Variants in ZNF680 observed in about 807,000 individuals in gnomAD.
The protein encoded by ZNF680 is zinc finger protein 680.
In ZNF680, 6 loss-of-function variants were observed where a neutral mutation model predicts 12.1. That is an observed-to-expected ratio of 0.49 (90% CI 0.27 to 0.98). The LOEUF is 0.98. Ranked by LOEUF, ZNF680 falls within the 50% of genes least tolerant of loss-of-function variation. The pLI is 0.12. For missense variants in ZNF680, 561 were observed against 616.3 expected, an observed-to-expected ratio of 0.91 and a Z score of 0.95; for synonymous variants, 170 against 199.3, an observed-to-expected ratio of 0.85 and a Z score of 1.24.
intron 1 of ZNF680, among the ~76,000 whole-genome samples, chr7:64,557,502 C>G (rs1562779385): frequency 6.6e-6 from 1 of 151,950 alleles, no homozygotes; most frequent in Non-Finnish European, 1.5e-5. Context: ...TTGCAGTGAG[C>G]CAAGATCGTG....
chr7:64,520,951 G>A lies in ZNF680; in HGVS notation c.*210C>T. The A allele has an allele frequency of 1.9e-6, 1 of 517,718 alleles. No individual in the cohort carries two copies. Among genetic ancestry groups the A allele is most frequent in the Non-Finnish European group, 3.3e-6 (1 of 301,434 alleles). 32.1% of individuals were successfully genotyped at this position (517,718 alleles called of 1,614,324 possible). The stretch of plus-strand genomic sequence containing the variant: ...TGACTTTTTCACATTCTTTATACTT[G>A]TACAATCTTTCTCAAGTAAAAATGC... On this transcript the variant is annotated 3_prime_UTR_variant, in exon 4 of 4. Coordinates refer to ENST00000309683, the MANE Select transcript of ZNF680 (RefSeq NM_178558.5).
At chr7:64,545,084 C>A (rs2116495982) in intron 1 of ZNF680, among the ~76,000 whole-genome samples, 1 of 151,934 alleles carries the variant, frequency 6.6e-6, no homozygotes, top group Admixed American at 6.6e-5. Context: ...CATGGCGAAA[C>A]CCCATCTCTA....
chr7:64,545,615 A>G (rs145967564), intron 1 of ZNF680, among the ~76,000 whole-genome samples: 96 of 152,336 alleles, frequency 6.3e-4, no homozygotes, highest in African/African-American at 2.2e-3. Flanking sequence ...ATTTAACCAT[A>G]AAGAAACATC....
the ZNF680 span, among the ~76,000 whole-genome samples, chr7:64,502,800 C>T: frequency 2.6e-5 from 4 of 152,016 alleles, no homozygotes; most frequent in Admixed American, 2.0e-4. Flanking sequence ...GAATCAAAAC[C>T]GAATAATATA....
chr7:64,532,259 C>T (rs1168902448), intron 3 of ZNF680, among the ~76,000 whole-genome samples: 4 of 150,708 alleles, frequency 2.7e-5, no homozygotes, highest in Non-Finnish European at 3.0e-5. Flanking sequence ...GAGCCGAGAT[C>T]GTACCACTGC....
the ZNF680 span, among the ~76,000 whole-genome samples, chr7:64,510,639 G>A: frequency 2.6e-5 from 4 of 151,562 alleles, no homozygotes; most frequent in South Asian, 4.2e-4. Context: ...GGCCGGGCGC[G>A]GTGGTTCACG....
rs1346050212 is a variant in ZNF680 at position 64,556,999 on chromosome 7, C to T, written c.30+5926G>A. Among the ~76,000 whole-genome samples the T allele has an allele frequency of 3.3e-5, 5 of 152,200 alleles. No individual in the cohort carries two copies. The East Asian group carries it at 5.8e-4, about 18-fold the overall frequency. ...GGTACAGTGGCTCACGCCTGTAATC[C>T]GAGCACTTTGGGAGGCCAAGGCGGG... On this transcript the variant is annotated intron_variant, in intron 1 of 3. Coordinates refer to ENST00000309683, the MANE Select transcript of ZNF680 (RefSeq NM_178558.5).
At chr7:64,562,843 G>A in intron 1 of ZNF680, 82 bp downstream of exon 1, 1 of 1,536,280 alleles carries the variant, frequency 6.5e-7, no homozygotes, top group Non-Finnish European at 9.0e-7. Flanking sequence ...AGTGCTTGGA[G>A]CCTGGAGTCC....
At chr7:64,525,743 A>T in intron 3 of ZNF680, 1 of 915,988 alleles carries the variant, frequency 1.1e-6, no homozygotes, top group South Asian at 5.0e-5. Context: ...AATTATCTTT[A>T]AATAGAAAAG....
chr7:64,548,256 T>C (rs747291186), intron 1 of ZNF680, among the ~76,000 whole-genome samples: 1 of 152,226 alleles, frequency 6.6e-6, no homozygotes, highest in African/African-American at 2.4e-5. Flanking sequence ...TATGTATTAA[T>C]AGGAAAGTAA....
At chr7:64,554,412 G>A (rs957282925) in intron 1 of ZNF680, among the ~76,000 whole-genome samples, 6 of 151,450 alleles carry the variant, frequency 4.0e-5, no homozygotes, top group African/African-American at 1.2e-4. Context: ...TCCAGGAGGT[G>A]GGGGGCAGCC....
chr7:64,558,148 G>C lies in ZNF680; in HGVS notation c.30+4777C>G, dbSNP rs1787524039. Among the ~76,000 whole-genome samples the C allele has an allele frequency of 7.2e-5, 11 of 152,310 alleles. No individual in the cohort carries two copies. The South Asian group carries it at 2.3e-3, about 32-fold the overall frequency. On this transcript the variant is annotated intron_variant, in intron 1 of 3. Coordinates refer to ENST00000309683, the MANE Select transcript of ZNF680 (RefSeq NM_178558.5). ...TGTCCGGGCAGGCAGATGAGATTAT[G>C]AACAGGTGGTACAGAACCGTTGGTT...
chr7:64,536,940 C>T lies in ZNF680; in HGVS notation c.253+6767G>A, dbSNP rs1786199245. Reference sequence around the variant, plus strand: ...AAAAAAATAGCTAGACATGATAGTGCATGTCTGTAGTTTCAGCTACACGGG... The same window carrying T: ...AAAAAAATAGCTAGACATGATAGTGTATGTCTGTAGTTTCAGCTACACGGG... On this transcript the variant is annotated intron_variant, in intron 3 of 3. Coordinates refer to ENST00000309683, the MANE Select transcript of ZNF680 (RefSeq NM_178558.5). 2.0e-5 allele frequency among the ~76,000 whole-genome samples: 3 copies of T among 152,068 alleles called. No homozygotes were observed. In the South Asian group the frequency reaches 6.2e-4, roughly 31 times the overall value.
chr7:64,539,351 CAAAAAAA>C (rs1170166478), intron 3 of ZNF680, among the ~76,000 whole-genome samples: 15 of 48,498 alleles, frequency 3.1e-4, no homozygotes, highest in East Asian at 2.4e-3. Flanking sequence ...AACTTCGTCT[CAAAAAAA>C]AAAAAAAAAA....
intron 3 of ZNF680, among the ~76,000 whole-genome samples, chr7:64,529,384 C>T (rs1045691168): frequency 6.6e-6 from 1 of 152,080 alleles, no homozygotes; most frequent in South Asian, 2.1e-4. Context: ...CAGAGAAAGG[C>T]GAAGCCCAGT....
downstream of ZNF680, among the ~76,000 whole-genome samples, chr7:64,515,671 A>G (rs1413304705): frequency 6.6e-6 from 1 of 152,154 alleles, no homozygotes; most frequent in African/African-American, 2.4e-5. Context: ...CCTCCAGCCT[A>G]TTTACATAAA....
downstream of ZNF680, among the ~76,000 whole-genome samples, chr7:64,515,437 T>G (rs1031656068): frequency 6.6e-6 from 1 of 152,082 alleles, no homozygotes; most frequent in African/African-American, 2.4e-5. Flanking sequence ...TAAAAATAGT[T>G]AGGGTTTCCA....
chr7:64,505,276 GA>G, the ZNF680 span, among the ~76,000 whole-genome samples: 27 of 152,074 alleles, frequency 1.8e-4, no homozygotes, highest in Non-Finnish European at 3.5e-4. Flanking sequence ...GTTAAACTAA[GA>G]AAAACTACAT....
chr7:64,549,293 G>C (rs1786945965), intron 1 of ZNF680, among the ~76,000 whole-genome samples: 1 of 152,124 alleles, frequency 6.6e-6, no homozygotes, highest in South Asian at 2.1e-4. Context: ...CTGTGGCCTT[G>C]CTCTCTCACT....
Sources: allele counts gnomAD v4.1 joint callset (sites outside exome capture counted in the v4.1 genomes callset), GRCh38; gene constraint gnomAD v4.1.1; transcripts MANE v1.5; gene names NCBI Gene and HGNC (gene_info 2026-07-23, HGNC 2026-07-21).